SYNE1: variants seen among roughly 807,000 people sequenced by gnomAD.
SYNE1 encodes nesprin-1.
SYNE1 carries 616 observed loss-of-function variants against 1,111.0 expected under a neutral mutation model. That is an observed-to-expected ratio of 0.55 (90% CI 0.52 to 0.59). SYNE1 has a LOEUF of 0.59. Among genes scored for constraint, SYNE1 ranks in the 20% least tolerant of loss-of-function variants. SYNE1 has a pLI of 0.00. For synonymous variants in SYNE1, 3,855 were observed against 3,825.8 expected, an observed-to-expected ratio of 1.01 and a Z score of -0.28; for missense variants, 10,006 against 10,417.0, an observed-to-expected ratio of 0.96 and a Z score of 1.72.
chr6:152,350,067 C>T, intron 72 of SYNE1, 101 bp downstream of exon 72: 2 of 1,447,506 alleles, frequency 1.4e-6, no homozygotes, highest in Non-Finnish European at 1.9e-6. Context: ...CAGAGATGCA[C>T]CTGTGTGTGC....
intron 128 of SYNE1, among the ~76,000 whole-genome samples, chr6:152,184,452 A>G (rs2069104559): frequency 6.6e-6 from 1 of 151,766 alleles, no homozygotes. Context: ...AAAAAAAAAA[A>G]AAAAGAAAGA....
At chr6:152,125,184 C>T in intron 145 of SYNE1, 1 of 1,486,974 alleles carries the variant, frequency 6.7e-7, no homozygotes, top group Non-Finnish European at 9.0e-7. Context: ...TCCCTGCCCA[C>T]CGCACTCTCT....
At chr6:152,475,324 G>A (rs892557483) in intron 14 of SYNE1, among the ~76,000 whole-genome samples, 14 of 152,052 alleles carry the variant, frequency 9.2e-5, no homozygotes, top group Middle Eastern at 3.2e-3. Context: ...TATTTAATAC[G>A]CCTAAACCAA....
intron 3 of SYNE1, among the ~76,000 whole-genome samples, chr6:152,563,522 G>T (rs2099401816): frequency 6.6e-6 from 1 of 152,088 alleles, no homozygotes; most frequent in African/African-American, 2.4e-5. Flanking sequence ...GTTGATTGTG[G>T]TAATTGTTTC....
chr6:152,255,892 G>C, intron 102 of SYNE1, 146 bp from the exon 103 acceptor site: 1 of 962,832 alleles, frequency 1.0e-6, no homozygotes, highest in Non-Finnish European at 1.6e-6. Context: ...GAGGTCAGGA[G>C]TTCAAGACTG....
intron 3 of SYNE1, among the ~76,000 whole-genome samples, chr6:152,597,300 A>G (rs982256487): frequency 1.3e-5 from 2 of 152,164 alleles, no homozygotes; most frequent in Non-Finnish European, 2.9e-5. Context: ...TCTTAGATAC[A>G]GTGTCTCACT....
intron 44 of SYNE1, among the ~76,000 whole-genome samples, chr6:152,407,892 G>C (rs2097925919): frequency 6.6e-6 from 1 of 151,452 alleles, no homozygotes; most frequent in South Asian, 2.1e-4. Context: ...CTCCACAGTA[G>C]CTAGGATTAC....
In SYNE1 at chr6:152,364,686, G is replaced by GAGGA. The variant is rs138395598; in HGVS notation, c.10145+157_10145+160dup. 0.16 allele frequency among the ~76,000 whole-genome samples: 17,011 copies of GAGGA among 107,892 alleles called. 1,833 individuals carry two copies. The highest frequency in any genetic ancestry group is 0.22 in the African/African-American group (5,890 of 26,298). 70.8% of individuals were successfully genotyped at this position (107,892 alleles called of 152,430 possible). Reference sequence around the variant, plus strand: ...AGGGAGGGAAGGAGGAAGGAGGAAGGAGGAAGGAAGGAAGGAAGGAAGGAA... The same window carrying GAGGA: ...AGGGAGGGAAGGAGGAAGGAGGAAGGAGGAAGGAAGGAAGGAAGGAAGGAAGGAA... On this transcript the variant is annotated intron_variant, in intron 63 of 145. Transcript: ENST00000367255.
At chr6:152,262,268 C>A in intron 100 of SYNE1, 80 bp from the exon 101 acceptor site, 1 of 1,304,570 alleles carries the variant, frequency 7.7e-7, no homozygotes, top group Non-Finnish European at 1.1e-6. Context: ...GTGTACCAGA[C>A]CTGGCTTCTC....
rs748201852 is a variant in SYNE1 at position 152,269,241 on chromosome 6, T to A, written c.18619A>T (p.Thr6207Ser). Residue 6207 changes from threonine (T) to serine (S), a missense_variant, in exon 99 of 146, where the codon ACG becomes TCG. Thr to Ser is a moderately conservative substitution (Grantham distance 58). Around this residue, in one of 7 missense-constraint regions of SYNE1, gnomAD observed 2,182 missense variants for 2,287.8 expected, o/e 0.95. Transcript: ENST00000367255. ...KEESDVDLTATQSPGVQEWLA... is the reference protein window; with the variant it reads ...KEESDVDLTASQSPGVQEWLA... Reference sequence around the variant, plus strand: ...CATTCCTGGACGCCGGGGCTCTGCGTGGCTGTTAGGTCAACATCGCTCTCC... The same window carrying A: ...CATTCCTGGACGCCGGGGCTCTGCGAGGCTGTTAGGTCAACATCGCTCTCC... 6 of 1,614,090 alleles carry A rather than the reference T, an allele frequency of 3.7e-6. No individual in the cohort carries two copies. The African/African-American group carries it at 4.0e-5, about 11-fold the overall frequency.
chr6:152,453,542 C>T lies in SYNE1; in HGVS notation c.3027+44G>A, dbSNP rs141993045. The stretch of plus-strand genomic sequence containing the variant: ...GGACCTTAACACGCTCAAGCTTCTC[C>T]CTTCATTGAGGATGCACGGTGTCTC... On this transcript the variant is annotated intron_variant, in intron 25 of 145. Transcript: ENST00000367255. 2.5e-6 allele frequency: 4 copies of T among 1,613,978 alleles called. No homozygotes were observed. In the East Asian group the frequency reaches 6.7e-5, roughly 27 times the overall value.
rs909606575 is a variant in SYNE1 at position 152,465,079 on chromosome 6, T to C, written c.1932+179A>G. 6.1e-6 allele frequency: 4 copies of C among 655,000 alleles called. No homozygotes were observed. In the African/African-American group the frequency reaches 7.3e-5, roughly 12 times the overall value. 40.6% of individuals were successfully genotyped at this position (655,000 alleles called of 1,614,324 possible). On this transcript the variant is annotated intron_variant, in intron 18 of 145. Coordinates refer to ENST00000367255, the MANE Select transcript of SYNE1 (RefSeq NM_182961.4). ...GGATTTACTCAACCCTCCATCAGCT[T>C]CTATTAAGCAGTGTATTTATTGGTC...
At chr6:152,288,555 T>A (rs924104220) in intron 95 of SYNE1, among the ~76,000 whole-genome samples, 9 of 152,220 alleles carry the variant, frequency 5.9e-5, no homozygotes, top group Non-Finnish European at 1.2e-4. Context: ...AATCTTTTTT[T>A]AATTTTTTTG....
intron 3 of SYNE1, among the ~76,000 whole-genome samples, chr6:152,589,690 G>T (rs1007493734): frequency 6.6e-6 from 1 of 152,116 alleles, no homozygotes; most frequent in Admixed American, 6.5e-5. Context: ...CTTTAGAGAG[G>T]CAGCAAAGGC....
chr6:152,392,744 A>G lies in SYNE1; in HGVS notation c.7713-1176T>C, dbSNP rs182188344. Among the ~76,000 whole-genome samples, 5 of 152,328 alleles carry G rather than the reference A, an allele frequency of 3.3e-5. No homozygotes were observed. In the East Asian group the frequency reaches 9.6e-4, roughly 29 times the overall value. ...CTAAAAGACATTTATTATACTTGTTATCTGTTTGGTGAGACAAGAAGGTGG... is the reference window on the plus strand; with the variant it reads ...CTAAAAGACATTTATTATACTTGTTGTCTGTTTGGTGAGACAAGAAGGTGG... On this transcript the variant is annotated intron_variant, in intron 51 of 145. Transcript: ENST00000367255.
intron 87 of SYNE1, 189 bp from the exon 88 acceptor site, chr6:152,311,062 C>CA: frequency 1.5e-6 from 1 of 650,546 alleles, no homozygotes; most frequent in South Asian, 1.8e-5. Flanking sequence ...AAAAAGAAAT[C>CA]ACAGTTTAGG....
chr6:152,258,777 C>T (rs949631169), intron 101 of SYNE1, among the ~76,000 whole-genome samples: 1 of 150,380 alleles, frequency 6.6e-6, no homozygotes, highest in Non-Finnish European at 1.5e-5. Context: ...TGGAGTCTTG[C>T]TCCATCGCCC....
intron 84 of SYNE1, among the ~76,000 whole-genome samples, chr6:152,319,562 C>T (rs186768515): frequency 1.4e-4 from 21 of 152,260 alleles, no homozygotes; most frequent in Admixed American, 2.6e-4. Flanking sequence ...AAAGACAGTT[C>T]GCATTTACAA....
chr6:152,243,932 A>C (rs1429704488), intron 106 of SYNE1, among the ~76,000 whole-genome samples: 1 of 152,192 alleles, frequency 6.6e-6, no homozygotes, highest in Non-Finnish European at 1.5e-5. Context: ...CCTAAATGTC[A>C]GATCTAGCAA....
Sources: allele counts gnomAD v4.1 joint callset (sites outside exome capture counted in the v4.1 genomes callset), GRCh38; gene constraint gnomAD v4.1.1; regional missense constraint gnomAD v4.1.1; transcripts MANE v1.5; gene names NCBI Gene and HGNC (gene_info 2026-07-23, HGNC 2026-07-21).